METTL2A: variants seen among roughly 807,000 people sequenced by gnomAD.
The protein encoded by METTL2A is tRNA N(3)-cytidine methyltransferase METTL2A.
Under a neutral mutation model 49.4 loss-of-function variants are expected in METTL2A, and 45 were observed. That is an observed-to-expected ratio of 0.91 (90% CI 0.72 to 1.17). The LOEUF (loss-of-function observed/expected upper bound fraction) is 1.17, where lower values mean the gene tolerates loss of function less well. Ranked by LOEUF, METTL2A falls within the 50% of genes most tolerant of loss-of-function variation. The pLI, the probability that METTL2A is intolerant of heterozygous loss-of-function variation, is 0.00. For synonymous variants in METTL2A, 118 were observed against 167.5 expected, an observed-to-expected ratio of 0.70 and a Z score of 2.28; for missense variants, 361 against 462.2, an observed-to-expected ratio of 0.78 and a Z score of 2.01.
chr17:62,431,663 C>A (rs1396080542), intron 4 of METTL2A, among the ~76,000 whole-genome samples: 2 of 152,078 alleles, frequency 1.3e-5, no homozygotes, highest in African/African-American at 2.4e-5. Context: ...TATATAGCAG[C>A]TTTATTGAGA....
chr17:62,440,726 T>G lies in METTL2A; in HGVS notation c.779T>G (p.Ile260Arg). Reference sequence around the variant, plus strand: ...GGCAGTCTTGATATTATCATTCTCATATTTGTTCTTTCAGCAATTGTTCCA... The same window carrying G: ...GGCAGTCTTGATATTATCATTCTCAGATTTGTTCTTTCAGCAATTGTTCCA... ...PKGSLDIIIL[I>R]FVLSAIVPDK... The change falls in exon 6 of 9, where the codon ATA becomes AGA. Residue 260 changes from isoleucine to arginine, a missense_variant. Coordinates refer to ENST00000311506, the MANE Select transcript of METTL2A (RefSeq NM_181725.4). 1 of 1,614,098 alleles carries G rather than the reference T, an allele frequency of 6.2e-7. No homozygotes were observed. Among genetic ancestry groups the G allele is most frequent in the Non-Finnish European group, 8.5e-7 (1 of 1,180,008 alleles).
rs1301645251 is a variant in METTL2A at position 62,451,641 on chromosome 17, C to A, written c.*2912C>A. Among the ~76,000 whole-genome samples the A allele has an allele frequency of 6.6e-6, 1 of 151,630 alleles. No individual in the cohort carries two copies. Among genetic ancestry groups the A allele is most frequent in the Non-Finnish European group, 1.5e-5 (1 of 67,914 alleles). On this transcript the variant is annotated 3_prime_UTR_variant, in exon 9 of 9. Transcript: ENST00000311506. ...GCACGGTGGCTCACGCCTGTAATCCCAGCACTTTGAGAGACCAAGGTAGGT... is the reference window on the plus strand; with the variant it reads ...GCACGGTGGCTCACGCCTGTAATCCAAGCACTTTGAGAGACCAAGGTAGGT...
chr17:62,445,465 A>G (rs1458888627), intron 7 of METTL2A, among the ~76,000 whole-genome samples: 2 of 152,112 alleles, frequency 1.3e-5, no homozygotes, highest in African/African-American at 4.8e-5. Flanking sequence ...GGTCTTTTTA[A>G]GCAAGACAGC....
Position 62,452,837 on chromosome 17 carries a change from T to G in METTL2A, c.*4108T>G, listed in dbSNP as rs1167098565. Among the ~76,000 whole-genome samples, 1 of 152,160 alleles carries G rather than the reference T, an allele frequency of 6.6e-6. No individual in the cohort carries two copies. The highest frequency in any genetic ancestry group is 1.5e-5 in the Non-Finnish European group (1 of 68,030). ...GTGTCCCAGGCTGGTCTTGAACTCC[T>G]GAGCTCAAGCAATCCTCCCACCTCG... is the stretch of plus-strand genomic sequence containing the variant. On this transcript the variant is annotated 3_prime_UTR_variant, in exon 9 of 9. Coordinates refer to ENST00000311506, the MANE Select transcript of METTL2A (RefSeq NM_181725.4).
At chr17:62,441,531 C>T (rs2070738484) in intron 6 of METTL2A, among the ~76,000 whole-genome samples, 1 of 152,064 alleles carries the variant, frequency 6.6e-6, no homozygotes, top group African/African-American at 2.4e-5. Context: ...ATTGCAACCT[C>T]CACCTCCCCG....
intron 4 of METTL2A, among the ~76,000 whole-genome samples, chr17:62,428,493 C>G (rs141729870): frequency 6.6e-5 from 10 of 152,296 alleles, no homozygotes; most frequent in Admixed American, 5.2e-4. Flanking sequence ...GACTGCCCCC[C>G]ACTTCAGATG....
chr17:62,447,999 C>T (rs1283433559), intron 8 of METTL2A, among the ~76,000 whole-genome samples: 1 of 152,200 alleles, frequency 6.6e-6, no homozygotes, highest in East Asian at 1.9e-4. Context: ...CTGCTCTGCT[C>T]TCCCTGTCTG....
intron 4 of METTL2A, among the ~76,000 whole-genome samples, chr17:62,431,465 C>T (rs1229243015): frequency 6.6e-6 from 1 of 151,498 alleles, no homozygotes; most frequent in Non-Finnish European, 1.5e-5. Flanking sequence ...GTGACCCTCC[C>T]ACCTCAGCCT....
chr17:62,436,040 C>A (rs938610394), intron 5 of METTL2A, among the ~76,000 whole-genome samples: 2 of 151,964 alleles, frequency 1.3e-5, no homozygotes, highest in African/African-American at 4.8e-5. Context: ...TCAAGACCAG[C>A]CTGACCAAGT....
In METTL2A at chr17:62,426,481, A is replaced by G; in HGVS notation, c.385A>G (p.Asn129Asp). Residue 129 changes from asparagine to aspartate, a missense_variant, in exon 3 of 9, where the codon AAT becomes GAT. This residue lies in a region of METTL2A where 150 missense variants were observed against 170.1 expected (regional missense o/e 0.88). Coordinates refer to ENST00000311506, the MANE Select transcript of METTL2A (RefSeq NM_181725.4). Reference protein sequence around the residue: ...NKSEVPECRNNEDGPGLIMEE... With the variant: ...NKSEVPECRNDEDGPGLIMEE... ...GAGTGAAGTACCTGAATGTAGAAAC[A>G]ATGAGGATGGACCTGGTTTAATAAT... 5 of 1,613,984 alleles carry G rather than the reference A, an allele frequency of 3.1e-6. No homozygotes were observed. The highest frequency in any genetic ancestry group is 4.2e-6 in the Non-Finnish European group (5 of 1,180,006).
Position 62,449,514 on chromosome 17 carries a change from C to A in METTL2A, c.*785C>A. 1 of 381,236 alleles carries A rather than the reference C, an allele frequency of 2.6e-6. No individual in the cohort carries two copies. The highest frequency in any genetic ancestry group is 1.9e-5 in the South Asian group (1 of 53,078). The allele number at this position is 381,236 out of a possible 1,614,324, so 23.6% of individuals were successfully genotyped here. ...TCAGCTGAGGTCAGGAGTTGGAGAC[C>A]AGCGTGGCCAACATGGTGAAACCCC... On this transcript the variant is annotated 3_prime_UTR_variant, in exon 9 of 9. Transcript: ENST00000311506.
At chr17:62,431,974 C>G (rs2070669011) in intron 4 of METTL2A, among the ~76,000 whole-genome samples, 1 of 152,190 alleles carries the variant, frequency 6.6e-6, no homozygotes, top group Non-Finnish European at 1.5e-5. Flanking sequence ...CTGCCTCGGC[C>G]TGCCAAAGTG....
In METTL2A at chr17:62,451,062, C is replaced by T. The variant is rs2070802874; in HGVS notation, c.*2333C>T. Among the ~76,000 whole-genome samples, 1 of 151,594 alleles carries T rather than the reference C, an allele frequency of 6.6e-6. No homozygotes were observed. Among genetic ancestry groups the T allele is most frequent in the Admixed American group, 6.6e-5 (1 of 15,208 alleles). ...AAAACATGATTATGTTGGCTGGGCA[C>T]AGTGGCTCCTGTAATCCTAGCATTT... On this transcript the variant is annotated 3_prime_UTR_variant, in exon 9 of 9. Coordinates refer to ENST00000311506, the MANE Select transcript of METTL2A (RefSeq NM_181725.4).
chr17:62,437,779 C>CTG (rs2070710802), intron 5 of METTL2A, among the ~76,000 whole-genome samples: 1 of 151,938 alleles, frequency 6.6e-6, no homozygotes, highest in African/African-American at 2.4e-5. Flanking sequence ...CGATACCATC[C>CTG]TGACCAATAT....
intron 6 of METTL2A, among the ~76,000 whole-genome samples, chr17:62,444,633 G>T (rs534931931): frequency 3.9e-5 from 6 of 152,194 alleles, no homozygotes; most frequent in Non-Finnish European, 8.8e-5. Flanking sequence ...GCCCCTTCAG[G>T]CTGAAGGCAG....
rs774303973 is a variant in METTL2A, at chr17:62,426,613, G to C, written c.517G>C (p.Asp173His). 6.4e-7 allele frequency: 1 copy of C among 1,551,732 alleles called. No homozygotes were observed. Among genetic ancestry groups the C allele is most frequent in the Non-Finnish European group, 8.8e-7 (1 of 1,134,580 alleles). ...AATTAGTGACCTGGAAATTTGTGCT[G>C]ATGAGTTTCCTGGATCCTCAGCCAC... ...QKISDLEICA[D>H]EFPGSSATYR... is the part of the protein sequence containing the mutation. The change falls in exon 3 of 9, where the codon GAT (aspartate) becomes CAT (histidine). Residue 173 changes from aspartate to histidine, a missense_variant. Transcript: ENST00000311506.
At chr17:62,424,400 G>T in intron 2 of METTL2A, 90 bp downstream of exon 2, 1 of 1,562,208 alleles carries the variant, frequency 6.4e-7, no homozygotes, top group South Asian at 1.2e-5. Context: ...CGGCCGCCCA[G>T]ATCCTTTATT....
In METTL2A at chr17:62,423,957, C is replaced by G. The variant is rs2070603601; in HGVS notation, c.55C>G (p.Gln19Glu). 6.2e-7 allele frequency: 1 copy of G among 1,613,774 alleles called. No individual in the cohort carries two copies. The highest frequency in any genetic ancestry group is 1.7e-5 in the Admixed American group (1 of 59,990). ...APAVLADKRQ[Q>E]FGSRFLRDPA... Reference sequence around the variant, plus strand: ...TGCAGTCCTCGCCGATAAGAGGCAGCAGTTCGGAAGCCGGTTCCTGAGAGA... The same window carrying G: ...TGCAGTCCTCGCCGATAAGAGGCAGGAGTTCGGAAGCCGGTTCCTGAGAGA... Residue 19 changes from glutamine (Q) to glutamate (E), a missense_variant, in exon 1 of 9, where the codon CAG (glutamine) becomes GAG (glutamate). Gln to Glu is a conservative substitution (Grantham distance 29). This residue lies in a region of METTL2A where 150 missense variants were observed against 170.1 expected (regional missense o/e 0.88). Coordinates refer to ENST00000311506, the MANE Select transcript of METTL2A (RefSeq NM_181725.4).
In METTL2A at chr17:62,435,300, C is replaced by G. The variant is rs760222382; in HGVS notation, c.669+8C>G. The G allele has an allele frequency of 5.0e-6, 8 of 1,613,814 alleles. No homozygotes were observed. The highest frequency in any genetic ancestry group is 1.7e-4 in the Middle Eastern group (1 of 6,060). On this transcript the variant is annotated splice_region_variant and intron_variant, in intron 5 of 8. Transcript: ENST00000311506. ...GCTATAGAACTGGTCCAGGTGAGTACAATGGGAAATTACCTATTGGTAATT... is the reference window on the plus strand; with the variant it reads ...GCTATAGAACTGGTCCAGGTGAGTAGAATGGGAAATTACCTATTGGTAATT...
Sources: gnomAD v4.1 joint callset for allele counts (sites outside exome capture counted in the v4.1 genomes callset) on GRCh38, gnomAD v4.1.1 for gene constraint, gnomAD v4.1.1 regional missense constraint, MANE v1.5 for transcripts, NCBI Gene and HGNC (gene_info 2026-07-23, HGNC 2026-07-21) for gene names.